The following ARHGAP8 variants were observed in gnomAD, a reference collection of about 807,000 sequenced individuals.
ARHGAP8 encodes rho GTPase-activating protein 8.
In ARHGAP8, 62 loss-of-function variants were observed where a neutral mutation model predicts 46.1. That is an observed-to-expected ratio of 1.34 (90% CI 1.10 to 1.66). The LOEUF (loss-of-function observed/expected upper bound fraction) is 1.66. Among genes scored for constraint, ARHGAP8 ranks in the 40% most tolerant of loss-of-function variants. The pLI is 0.00. For synonymous variants in ARHGAP8, 375 were observed against 243.1 expected, an observed-to-expected ratio of 1.54 and a Z score of -5.05; for missense variants, 923 against 568.4, an observed-to-expected ratio of 1.62 and a Z score of -6.34.
intron 4 of ARHGAP8, chr22:44,809,089 G>A (rs1380696326): frequency 4.3e-6 from 2 of 469,838 alleles, no homozygotes; most frequent in South Asian, 3.1e-5. Context: ...CCAAAGTACT[G>A]GGATTACAGG....
intron 11 of ARHGAP8, among the ~76,000 whole-genome samples, chr22:44,861,328 G>A (rs1044134062): frequency 4.6e-5 from 7 of 152,136 alleles, no homozygotes; most frequent in African/African-American, 1.7e-4. Flanking sequence ...ACCTCCATGG[G>A]CACCGATGTG....
intron 2 of ARHGAP8, among the ~76,000 whole-genome samples, chr22:44,792,623 C>T (rs779732848): frequency 3.9e-5 from 6 of 152,260 alleles, no homozygotes; most frequent in South Asian, 2.1e-4. Context: ...TCCCCACCAA[C>T]GCATTTCTGA....
chr22:44,786,599 G>A lies in ARHGAP8; in HGVS notation c.72G>A (p.Gln24=), dbSNP rs1270358251. The part of the protein sequence containing the change: ...FYDVARHGIL[Q]VAGDDRFGRR... ...ACGTGGCCAGACATGGCATTCTGCA[G>A]GTGGCAGGTAGGGCCCCAGCTGGGC... Residue 24 remains glutamine, a synonymous_variant, in exon 2 of 12, where the codon CAG becomes CAA. Transcript: ENST00000356099. The A allele has an allele frequency of 6.2e-7, 1 of 1,613,274 alleles. No individual in the cohort carries two copies. The highest frequency in any genetic ancestry group is 8.5e-7 in the Non-Finnish European group (1 of 1,179,708).
At chr22:44,830,050 G>A (rs904633778) in intron 7 of ARHGAP8, among the ~76,000 whole-genome samples, 8 of 148,602 alleles carry the variant, frequency 5.4e-5, no homozygotes, top group Middle Eastern at 3.5e-3. Context: ...CTGAGATGGC[G>A]TCTCACTCTG....
rs192209996 is a variant in ARHGAP8, at chr22:44,792,150, T to A, written c.79+5544T>A. Among the ~76,000 whole-genome samples the A allele has an allele frequency of 2.5e-3, 386 of 152,152 alleles. 1 individual carries two copies. Among genetic ancestry groups the A allele is most frequent in the African/African-American group, 8.9e-3 (368 of 41,536 alleles). On this transcript the variant is annotated intron_variant, in intron 2 of 11. Coordinates refer to ENST00000356099, the MANE Select transcript of ARHGAP8 (RefSeq NM_181335.3). ...CCTCAGCCTCCCGAGTAGCTGAGAT[T>A]ACAGGCACCCACCACCACGCCTGGC...
At chr22:44,774,152 G>T (rs1465555330) in intron 1 of ARHGAP8, among the ~76,000 whole-genome samples, 2 of 152,180 alleles carry the variant, frequency 1.3e-5, no homozygotes, top group Non-Finnish European at 2.9e-5. Flanking sequence ...TTAAATTTAT[G>T]CCTTTCTAAC....
chr22:44,787,666 C>G (rs1221392482), intron 2 of ARHGAP8, among the ~76,000 whole-genome samples: 3 of 152,088 alleles, frequency 2.0e-5, no homozygotes, highest in African/African-American at 7.2e-5. Flanking sequence ...TAATTTAGGT[C>G]TGAGCATGCA....
intron 1 of ARHGAP8, 47 bp downstream of exon 1, chr22:44,752,674 C>G (rs1924326571): frequency 7.7e-6 from 1 of 130,636 alleles, no homozygotes; most frequent in South Asian, 2.9e-4. Context: ...GGAGGCCGTG[C>G]TCGGGGTGGG....
At chr22:44,765,947 C>T (rs543255181) in intron 1 of ARHGAP8, 2 of 152,352 alleles carry the variant, frequency 1.3e-5, no homozygotes, top group Non-Finnish European at 2.9e-5. Context: ...CAGGCCCTAG[C>T]AAGCTGCTCC....
At chr22:44,838,771 A>C (rs1357890866) in intron 7 of ARHGAP8, among the ~76,000 whole-genome samples, 1 of 152,096 alleles carries the variant, frequency 6.6e-6, no homozygotes, top group Non-Finnish European at 1.5e-5. Flanking sequence ...CGGATAAGTC[A>C]CTGTAGCTCA....
intron 1 of ARHGAP8, among the ~76,000 whole-genome samples, chr22:44,778,486 A>T (rs1021399873): frequency 6.6e-6 from 1 of 152,128 alleles, no homozygotes; most frequent in Non-Finnish European, 1.5e-5. Flanking sequence ...TGCTATAAAC[A>T]TGGGTGTGCA....
intron 11 of ARHGAP8, among the ~76,000 whole-genome samples, chr22:44,860,795 C>A (rs1282701506): frequency 6.6e-6 from 1 of 152,132 alleles, no homozygotes; most frequent in African/African-American, 2.4e-5. Flanking sequence ...GGTCCACCCC[C>A]AACCCCCAGA....
chr22:44,844,072 A>G (rs1205530144), intron 7 of ARHGAP8, among the ~76,000 whole-genome samples: 1 of 152,292 alleles, frequency 6.6e-6, no homozygotes, highest in African/African-American at 2.4e-5. Context: ...CCTGGGTTCA[A>G]GTGATTCTCC....
chr22:44,794,620 G>A (rs1481255435), intron 2 of ARHGAP8, among the ~76,000 whole-genome samples: 1 of 152,118 alleles, frequency 6.6e-6, no homozygotes, highest in Non-Finnish European at 1.5e-5. Flanking sequence ...TGAGGCAGAA[G>A]AATTGCTTGA....
chr22:44,844,796 A>G (rs2069913097), intron 7 of ARHGAP8, among the ~76,000 whole-genome samples: 1 of 152,208 alleles, frequency 6.6e-6, no homozygotes, highest in Admixed American at 6.5e-5. Flanking sequence ...GTCTCAAAAT[A>G]GTAAAGTAAG....
At chr22:44,848,362 T>G (rs965249441) in intron 9 of ARHGAP8, among the ~76,000 whole-genome samples, 1 of 15,512 alleles carries the variant, frequency 6.4e-5, no homozygotes, top group South Asian at 9.0e-4. Context: ...GGGAAGCTGG[T>G]TTTTTTTATC....
chr22:44,855,240 G>A (rs1157452853), intron 10 of ARHGAP8, among the ~76,000 whole-genome samples: 3 of 151,600 alleles, frequency 2.0e-5, no homozygotes, highest in African/African-American at 7.3e-5. Context: ...TTTAAGACAG[G>A]GTCTCCTTCT....
chr22:44,806,965 A>AAG (rs1928970272), intron 3 of ARHGAP8, among the ~76,000 whole-genome samples: 1 of 151,668 alleles, frequency 6.6e-6, no homozygotes, highest in South Asian at 2.1e-4. Context: ...CTCAAAAAAA[A>AAG]AAAAAAAAGA....
At chr22:44,861,003 A>G (rs1345617973) in intron 11 of ARHGAP8, among the ~76,000 whole-genome samples, 1 of 151,544 alleles carries the variant, frequency 6.6e-6, no homozygotes, top group Non-Finnish European at 1.5e-5. Context: ...AACTCTCCTA[A>G]TTCTCTCAAA....
Sources: gnomAD v4.1 joint callset for allele counts (sites outside exome capture counted in the v4.1 genomes callset) on GRCh38, gnomAD v4.1.1 for gene constraint, MANE v1.5 for transcripts, NCBI Gene and HGNC (gene_info 2026-07-23, HGNC 2026-07-21) for gene names.